Variants in PON1 observed in about 807,000 individuals in gnomAD.
PON1 encodes paraoxonase 1.
A neutral mutation model predicts 39.2 loss-of-function variants in PON1; 37 were observed. That is an observed-to-expected ratio of 0.94 (90% CI 0.73 to 1.24). PON1 has a LOEUF of 1.24. Among genes scored for constraint, PON1 ranks in the 50% most tolerant of loss-of-function variants. PON1 has a pLI of 0.00. For missense variants in PON1, 397 were observed against 413.5 expected (o/e 0.96, Z 0.35); for synonymous variants, 148 against 152.2 (o/e 0.97, Z 0.21).
intron 7 of PON1, among the ~76,000 whole-genome samples, chr7:95,304,568 G>C (rs964657036): frequency 6.6e-6 from 1 of 151,888 alleles, no homozygotes; most frequent in Non-Finnish European, 1.5e-5. Context: ...TCTTGACCTC[G>C]TGATCCACCC....
intron 7 of PON1, among the ~76,000 whole-genome samples, chr7:95,305,096 CAA>C: frequency 1.3e-5 from 2 of 152,304 alleles, no homozygotes; most frequent in South Asian, 4.1e-4. Flanking sequence ...TTTTTAATGT[CAA>C]ACACGATGTT....
At chr7:95,300,729 C>T (rs1235962508) in intron 8 of PON1, among the ~76,000 whole-genome samples, 1 of 152,154 alleles carries the variant, frequency 6.6e-6, no homozygotes, top group African/African-American at 2.4e-5. Flanking sequence ...CATGCTATAG[C>T]AAATGACCCA....
At chr7:95,320,009 G>A (rs1807860190) in intron 1 of PON1, among the ~76,000 whole-genome samples, 1 of 152,146 alleles carries the variant, frequency 6.6e-6, no homozygotes, top group Non-Finnish European at 1.5e-5. Flanking sequence ...CTGGTCTAGG[G>A]AAAGTGTAGT....
chr7:95,316,622 G>A (rs1375880188), intron 3 of PON1, 112 bp downstream of exon 3: 3 of 900,904 alleles, frequency 3.3e-6, no homozygotes, highest in Non-Finnish European at 5.7e-6. Context: ...AACCATGACT[G>A]TTCATTTTAT....
intron 3 of PON1, 61 bp downstream of exon 3, chr7:95,316,673 A>T: frequency 7.1e-7 from 1 of 1,413,602 alleles, no homozygotes; most frequent in South Asian, 1.1e-5. Context: ...TAAGTGAAAG[A>T]CTTAAACTGC....
chr7:95,322,348 GTGTA>G lies in PON1; in HGVS notation c.74+2050_74+2053del, dbSNP rs373281676. 3.7e-3 allele frequency among the ~76,000 whole-genome samples: 471 copies of G among 128,004 alleles called. 6 individuals are homozygous for G. In the East Asian group the frequency reaches 0.039, roughly 11 times the overall value. 84.0% of individuals were successfully genotyped at this position (128,004 alleles called of 152,430 possible). On this transcript the variant is annotated intron_variant, in intron 1 of 8. Coordinates refer to ENST00000222381, the MANE Select transcript of PON1 (RefSeq NM_000446.7). ...TATATGTATGTGTGTGTGTGTGTGTGTGTATATATATATATATATGCTGTAATAT... is the reference window on the plus strand; with the variant it reads ...TATATGTATGTGTGTGTGTGTGTGTGTATATATATATATATGCTGTAATAT...
intron 5 of PON1, among the ~76,000 whole-genome samples, chr7:95,310,127 A>G (rs1003592948): frequency 9.9e-5 from 15 of 152,232 alleles, no homozygotes; most frequent in African/African-American, 3.4e-4. Flanking sequence ...CAGGATTAGA[A>G]TCACAGCTGC....
intron 5 of PON1, among the ~76,000 whole-genome samples, chr7:95,309,920 T>C (rs1807618821): frequency 6.6e-6 from 1 of 152,212 alleles, no homozygotes; most frequent in African/African-American, 2.4e-5. Context: ...AGCAGAACTC[T>C]AGTTAATTAC....
chr7:95,309,892 T>C (rs942780138), intron 5 of PON1, among the ~76,000 whole-genome samples: 1 of 152,220 alleles, frequency 6.6e-6, no homozygotes, highest in African/African-American at 2.4e-5. Flanking sequence ...TACACACAGC[T>C]AATCCTTGGA....
At chr7:95,313,656 G>C (rs867381278) in intron 4 of PON1, among the ~76,000 whole-genome samples, 3 of 142,180 alleles carry the variant, frequency 2.1e-5, no homozygotes, top group Admixed American at 7.2e-5. Flanking sequence ...GTGTGTGTGT[G>C]TCTCACATGG....
chr7:95,318,548 C>T, intron 1 of PON1, 155 bp from the exon 2 acceptor site: 1 of 662,648 alleles, frequency 1.5e-6, no homozygotes, highest in Admixed American at 2.3e-5. Context: ...AAGGCCAGGG[C>T]AAGACAAGTG....
chr7:95,301,048 A>T (rs1563593831), intron 8 of PON1, among the ~76,000 whole-genome samples: 1 of 151,956 alleles, frequency 6.6e-6, no homozygotes, highest in Non-Finnish European at 1.5e-5. Context: ...GGCAGGTGAA[A>T]TGGACTCTTA....
intron 8 of PON1, 92 bp downstream of exon 8, chr7:95,302,113 A>AAAC: frequency 1.2e-6 from 1 of 847,128 alleles, no homozygotes; most frequent in Admixed American, 3.1e-5. Context: ...AAAAAAAAAA[A>AAAC]AAAAAAAACC....
intron 2 of PON1, among the ~76,000 whole-genome samples, chr7:95,317,835 C>T (rs1035409703): frequency 6.6e-6 from 1 of 152,042 alleles, no homozygotes; most frequent in Admixed American, 6.5e-5. Context: ...GCCTGTCCTC[C>T]AGCTCTGACA....
At chr7:95,299,245 A>G in intron 8 of PON1, 143 bp from the exon 9 acceptor site, 1 of 866,462 alleles carries the variant, frequency 1.2e-6, no homozygotes, top group Non-Finnish European at 1.8e-6. Flanking sequence ...TACACTTAAC[A>G]CACCTGTTTC....
At chr7:95,313,010 G>GT (rs1388353037) in intron 4 of PON1, among the ~76,000 whole-genome samples, 1 of 152,230 alleles carries the variant, frequency 6.6e-6, no homozygotes, top group Non-Finnish European at 1.5e-5. Flanking sequence ...GAACCAAGGA[G>GT]TAACATGAGC....
In PON1 at chr7:95,308,057, C is replaced by A; in HGVS notation, c.652G>T (p.Glu218Ter). 6.2e-7 allele frequency: 1 copy of A among 1,614,164 alleles called. No homozygotes were observed. Among genetic ancestry groups the A allele is most frequent in the South Asian group, 1.1e-5 (1 of 91,080 alleles). ...ATTCCATTAGCAAAATCAAATCCTT[C>A]TGCCACCACTCGAACTTCACTTGGA... ...YSPSEVRVVAEGFDFANGINI... is the reference protein window; with the variant it reads ...YSPSEVRVVA Residue 218 changes from glutamate (E) to a stop codon, truncating the protein, a stop_gained, in exon 6 of 9, where the codon GAA becomes TAA. Coordinates refer to ENST00000222381, the MANE Select transcript of PON1 (RefSeq NM_000446.7). LOFTEE classifies it high-confidence loss of function.
At chr7:95,306,499 C>T (rs1807544582) in intron 6 of PON1, 133 bp from the exon 7 acceptor site, 1 of 716,544 alleles carries the variant, frequency 1.4e-6, no homozygotes, top group Non-Finnish European at 2.5e-6. Flanking sequence ...CTCAAACACA[C>T]CAAATTCTGA....
At chr7:95,306,400 G>A (rs370693862) in intron 6 of PON1, 34 bp from the exon 7 acceptor site, 20 of 1,383,786 alleles carry the variant, frequency 1.4e-5, no homozygotes, top group Middle Eastern at 1.8e-4. Flanking sequence ...CAAAGTACTA[G>A]AAGTAACACA....
Sources: allele counts gnomAD v4.1 joint callset (sites outside exome capture counted in the v4.1 genomes callset), GRCh38; gene constraint gnomAD v4.1.1; transcripts MANE v1.5; gene names NCBI Gene and HGNC (gene_info 2026-07-23, HGNC 2026-07-21).